Variants in REPS2 observed in about 807,000 individuals in gnomAD.
REPS2 encodes ralBP1-associated Eps domain-containing protein 2.
In REPS2, 23 loss-of-function variants were observed where a neutral mutation model predicts 53.6. The observed-to-expected ratio is 0.43, with a 90% confidence interval of 0.31 to 0.61. The LOEUF (loss-of-function observed/expected upper bound fraction) is 0.61. Among genes scored for constraint, REPS2 ranks in the 20% least tolerant of loss-of-function variants. The probability of loss-of-function intolerance (pLI) is 0.11; values close to 1 mark genes in which losing one functional copy is unlikely to be tolerated. For synonymous variants in REPS2, 238 were observed against 218.6 expected (o/e 1.09, Z -0.78); for missense variants, 446 against 534.9 (o/e 0.83, Z 1.64).
At chrX:17,106,654 T>C (rs746153995) in intron 14 of REPS2, among the ~76,000 whole-genome samples, 1 of 111,132 alleles carries the variant, frequency 9.0e-6, no homozygotes, top group Non-Finnish European at 1.9e-5. Context: ...GACCTCGTGA[T>C]CCACCTGCCT....
chrX:17,144,067 C>T (rs954293865), intron 17 of REPS2, among the ~76,000 whole-genome samples: 15 of 112,620 alleles, frequency 1.3e-4, no homozygotes, highest in Admixed American at 1.9e-4. Context: ...AGTTGGGGAA[C>T]CCCCAAAGGG....
intron 1 of REPS2, among the ~76,000 whole-genome samples, chrX:16,965,983 G>A (rs760094332): frequency 3.6e-5 from 4 of 112,520 alleles, no homozygotes; most frequent in East Asian, 5.6e-4. Flanking sequence ...GGCGGCGCGC[G>A]CCTGCAATTG....
At chrX:17,158,648 T>G in the REPS2 span, among the ~76,000 whole-genome samples, 5 of 110,810 alleles carry the variant, frequency 4.5e-5, no homozygotes, top group Non-Finnish European at 9.5e-5. Context: ...ACTAAGAGAG[T>G]TTTGGCAAGC....
At chrX:17,144,345 G>A (rs1375071213) in intron 17 of REPS2, among the ~76,000 whole-genome samples, 1 of 112,835 alleles carries the variant, frequency 8.9e-6, no homozygotes, top group African/African-American at 3.2e-5. Flanking sequence ...ATGATCTGGG[G>A]ATCTAATTGC....
chrX:17,062,926 T>C (rs1166648198), intron 9 of REPS2, among the ~76,000 whole-genome samples: 1 of 112,288 alleles, frequency 8.9e-6, no homozygotes, highest in Non-Finnish European at 1.9e-5. Flanking sequence ...TAAGCTATAC[T>C]GAATCAGAAC....
intron 1 of REPS2, among the ~76,000 whole-genome samples, chrX:16,979,795 CTTTTT>C (rs371364287): frequency 9.8e-6 from 1 of 101,882 alleles, no homozygotes; most frequent in South Asian, 4.2e-4. Context: ...TAGGTTATTA[CTTTTT>C]TTTTTTTTTC....
At chrX:16,951,167 C>G (rs1367190880) in intron 1 of REPS2, among the ~76,000 whole-genome samples, 1 of 111,880 alleles carries the variant, frequency 8.9e-6, no homozygotes, top group Non-Finnish European at 1.9e-5. Context: ...CAAAATACTT[C>G]ATAACCTGGG....
the REPS2 span, among the ~76,000 whole-genome samples, chrX:17,192,575 G>A: frequency 1.8e-5 from 2 of 111,858 alleles, no homozygotes; most frequent in Non-Finnish European, 3.8e-5. Flanking sequence ...CCCATGAGGT[G>A]AATGGGGGAG....
intron 1 of REPS2, among the ~76,000 whole-genome samples, chrX:16,949,141 A>G (rs1367543668): frequency 9.0e-6 from 1 of 110,849 alleles, no homozygotes; most frequent in Non-Finnish European, 1.9e-5. Context: ...GCATTACCCC[A>G]TCAGTGTATT....
At chrX:16,996,930 C>T (rs1165004973) in intron 1 of REPS2, among the ~76,000 whole-genome samples, 1 of 112,430 alleles carries the variant, frequency 8.9e-6, no homozygotes, top group Non-Finnish European at 1.9e-5. Flanking sequence ...ATGGAATAGA[C>T]TGAAATCAAC....
intron 2 of REPS2, among the ~76,000 whole-genome samples, chrX:17,019,254 G>A (rs944807279): frequency 8.9e-6 from 1 of 112,312 alleles, no homozygotes; most frequent in Non-Finnish European, 1.9e-5. Flanking sequence ...AATATACAAA[G>A]CATTTCTGTG....
chrX:17,014,744 G>A (rs948391829), intron 2 of REPS2, among the ~76,000 whole-genome samples: 1 of 112,078 alleles, frequency 8.9e-6, no homozygotes, highest in Admixed American at 9.4e-5. Context: ...TTTTTGTTAC[G>A]GTCTTAGCTC....
At chrX:17,098,803 C>A (rs1306140450) in intron 13 of REPS2, among the ~76,000 whole-genome samples, 1 of 111,501 alleles carries the variant, frequency 9.0e-6, no homozygotes, top group Non-Finnish European at 1.9e-5. Context: ...CAAAAGTTGT[C>A]CCAACTAAGA....
chrX:17,095,524 CTTT>C (rs34731910), intron 13 of REPS2, among the ~76,000 whole-genome samples: 17 of 96,802 alleles, frequency 1.8e-4, no homozygotes, highest in Admixed American at 2.3e-4. Context: ...TTCAATCAGT[CTTT>C]TTTTTTTTTT....
At chrX:16,977,645 G>A (rs1185668109) in intron 1 of REPS2, among the ~76,000 whole-genome samples, 2 of 107,088 alleles carry the variant, frequency 1.9e-5, no homozygotes, top group Admixed American at 1.0e-4. Flanking sequence ...GAGCTTAGGC[G>A]ATTGAGGCTG....
intron 14 of REPS2, among the ~76,000 whole-genome samples, chrX:17,104,408 G>A (rs191845082): frequency 1.2e-4 from 14 of 112,292 alleles, no homozygotes; most frequent in Admixed American, 1.0e-3. Context: ...ACAGTGGAGT[G>A]TGGTATATGG....
intron 2 of REPS2, among the ~76,000 whole-genome samples, chrX:17,018,968 A>G (rs748476010): frequency 2.7e-5 from 3 of 109,913 alleles, no homozygotes; most frequent in Admixed American, 1.9e-4. Flanking sequence ...TGCCCAGCTG[A>G]TTTTTTATTT....
intron 1 of REPS2, among the ~76,000 whole-genome samples, chrX:16,983,193 G>A (rs2061040749): frequency 1.0e-5 from 1 of 99,867 alleles, no homozygotes; most frequent in Non-Finnish European, 2.1e-5. Flanking sequence ...AAGATTAAAT[G>A]GAAAAAAAAT....
At chrX:17,143,062 T>G (rs932361488) in intron 17 of REPS2, among the ~76,000 whole-genome samples, 1 of 112,078 alleles carries the variant, frequency 8.9e-6, no homozygotes, top group Non-Finnish European at 1.9e-5. Flanking sequence ...CAAGCCAGTA[T>G]CAAAAGGTTG....
Sources: gnomAD v4.1 joint callset for allele counts (sites outside exome capture counted in the v4.1 genomes callset) on GRCh38, gnomAD v4.1.1 for gene constraint, MANE v1.5 for transcripts, NCBI Gene and HGNC (gene_info 2026-07-23, HGNC 2026-07-21) for gene names.